Variants in NIPAL2 observed in about 807,000 individuals in gnomAD.
NIPAL2 encodes the protein NIPA-like protein 2.
In NIPAL2, 43 loss-of-function variants were observed where a neutral mutation model predicts 48.9. That is an observed-to-expected ratio of 0.88 (90% CI 0.69 to 1.13). The LOEUF is 1.13. Ranked by LOEUF, NIPAL2 falls within the 50% of genes most tolerant of loss-of-function variation. The pLI, the probability that NIPAL2 is intolerant of heterozygous loss-of-function variation, is 0.00. For missense variants in NIPAL2, 446 were observed against 461.4 expected, an observed-to-expected ratio of 0.97 and a Z score of 0.31; for synonymous variants, 167 against 174.6, an observed-to-expected ratio of 0.96 and a Z score of 0.34.
intron 4 of NIPAL2, among the ~76,000 whole-genome samples, chr8:98,224,225 A>G (rs1044231509): frequency 3.3e-5 from 5 of 152,222 alleles, no homozygotes; most frequent in African/African-American, 1.2e-4. Context: ...GTTAAATCTC[A>G]TGTACCCTGG....
intron 6 of NIPAL2, 26 bp from the exon 7 acceptor site, chr8:98,205,272 A>G: frequency 2.5e-6 from 4 of 1,586,450 alleles, no homozygotes; most frequent in Non-Finnish European, 3.4e-6. Context: ...AAAAACACAA[A>G]TAAAGAACAT....
rs1456735694 is a variant in NIPAL2 at position 98,262,455 on chromosome 8, C to CA, written c.136-8369dup. ...GAAGATCTACCAAGCAAATGGAAAA[C>CA]AAAAAAAGGCAGGGGGTGCAATCCT... On this transcript the variant is annotated intron_variant, in intron 1 of 10. Transcript: ENST00000430223. Among the ~76,000 whole-genome samples the CA allele has an allele frequency of 1.9e-4, 29 of 150,906 alleles. No homozygotes were observed. In the East Asian group the frequency reaches 2.3e-3, roughly 12 times the overall value.
At chr8:98,264,489 GACAA>G (rs1814578683) in intron 1 of NIPAL2, among the ~76,000 whole-genome samples, 1 of 150,494 alleles carries the variant, frequency 6.6e-6, no homozygotes, top group South Asian at 2.1e-4. Flanking sequence ...ACCAGCAATA[GACAA>G]ACAGAGAGCC....
intron 3 of NIPAL2, among the ~76,000 whole-genome samples, chr8:98,244,266 C>T (rs980269388): frequency 3.9e-5 from 5 of 127,930 alleles, no homozygotes; most frequent in Admixed American, 3.2e-4. Context: ...GTGATGAAGA[C>T]GGTGGGCGTG....
rs904209689 is a variant in NIPAL2, at chr8:98,191,790, C to A, written c.*1188G>T. 7.2e-5 allele frequency: 11 copies of A among 152,184 alleles called. No homozygotes were observed. The highest frequency in any genetic ancestry group is 2.7e-4 in the African/African-American group (11 of 41,450). The allele number at this position is 152,184 out of a possible 1,614,324, so 9.4% of individuals were successfully genotyped here. A position where few individuals can be genotyped will look rare whatever the true frequency, so the allele number is the denominator to read the frequency against. ...GATTCTACCTGCAAATGTGTCTTAG[C>A]AGATATGTGATGAATTGGAGTGGAA... is the stretch of plus-strand genomic sequence containing the variant. On this transcript the variant is annotated 3_prime_UTR_variant, in exon 11 of 11. Coordinates refer to ENST00000430223, the MANE Select transcript of NIPAL2 (RefSeq NM_001321635.2).
intron 4 of NIPAL2, among the ~76,000 whole-genome samples, chr8:98,234,706 C>T (rs923904249): frequency 9.5e-6 from 1 of 105,538 alleles, no homozygotes; most frequent in African/African-American, 3.3e-5. Flanking sequence ...TGACACCACA[C>T]CTGTCTATTT....
intron 9 of NIPAL2, among the ~76,000 whole-genome samples, chr8:98,195,116 A>G (rs13252923): frequency 0.056 from 8,585 of 152,322 alleles, 277 homozygotes; most frequent in Middle Eastern, 0.12. Context: ...ATGCACGCCC[A>G]GATCCATTTC....
At chr8:98,203,277 G>A in intron 7 of NIPAL2, 81 bp from the exon 8 acceptor site, 1 of 992,584 alleles carries the variant, frequency 1.0e-6, no homozygotes, top group East Asian at 2.4e-5. Flanking sequence ...AGAAACACGT[G>A]TTCTTTAGCT....
At chr8:98,269,777 T>C (rs1815014198) in intron 1 of NIPAL2, among the ~76,000 whole-genome samples, 1 of 152,134 alleles carries the variant, frequency 6.6e-6, no homozygotes, top group South Asian at 2.1e-4. Flanking sequence ...TGGGCTCGTA[T>C]TGATCCTGTC....
intron 1 of NIPAL2, among the ~76,000 whole-genome samples, chr8:98,265,815 A>C (rs1235721074): frequency 1.4e-5 from 2 of 147,124 alleles, no homozygotes; most frequent in Admixed American, 6.8e-5. Context: ...TCATGCTGCT[A>C]TAAAGACACA....
rs1229080809 is a variant in NIPAL2 at position 98,219,711 on chromosome 8, G to A, written c.558+2768C>T. 2.0e-5 allele frequency among the ~76,000 whole-genome samples: 3 copies of A among 152,086 alleles called. No homozygotes were observed. The East Asian group carries it at 5.8e-4, about 29-fold the overall frequency. ...GCTTCCATCATCTCTTGCTTGGACT[G>A]TGTCTGCAACCTCTTAACAAGGCTG... is the stretch of plus-strand genomic sequence containing the variant. On this transcript the variant is annotated intron_variant, in intron 5 of 10. Coordinates refer to ENST00000430223, the MANE Select transcript of NIPAL2 (RefSeq NM_001321635.2).
At chr8:98,218,262 T>C (rs1371082901) in intron 5 of NIPAL2, among the ~76,000 whole-genome samples, 1 of 152,182 alleles carries the variant, frequency 6.6e-6, no homozygotes, top group African/African-American at 2.4e-5. Context: ...CAAAGAGTAA[T>C]AATTTGTTGG....
intron 1 of NIPAL2, among the ~76,000 whole-genome samples, chr8:98,290,868 G>A (rs149486211): frequency 9.7e-4 from 148 of 152,188 alleles, no homozygotes; most frequent in African/African-American, 3.5e-3. Context: ...GAAAAGGCCC[G>A]GCATTGCTGG....
At chr8:98,212,096 A>G (rs987790042) in intron 6 of NIPAL2, among the ~76,000 whole-genome samples, 23 of 152,204 alleles carry the variant, frequency 1.5e-4, no homozygotes, top group African/African-American at 5.1e-4. Context: ...GGGATCATTA[A>G]TTTGTTTCTC....
At position 98,205,110 on chromosome 8, in the gene NIPAL2, C is replaced by T; in HGVS notation, c.791+1G>A. 6.2e-7 allele frequency: 1 copy of T among 1,613,434 alleles called. No individual in the cohort carries two copies. Among genetic ancestry groups the T allele is most frequent in the Non-Finnish European group, 8.5e-7 (1 of 1,179,796 alleles). The stretch of plus-strand genomic sequence containing the variant: ...TAGTGAGTATGCAGAAGCTAACTTA[C>T]TTGACTTGGAAAACACAAGATGCTA... On this transcript the variant is annotated splice_donor_variant, in intron 7 of 10. Coordinates refer to ENST00000430223, the MANE Select transcript of NIPAL2 (RefSeq NM_001321635.2). LOFTEE classifies it high-confidence loss of function.
In NIPAL2 at chr8:98,293,984, G is replaced by A; in HGVS notation, c.135+19C>T. 1 of 1,442,438 alleles carries A rather than the reference G, an allele frequency of 6.9e-7. No homozygotes were observed. The highest frequency in any genetic ancestry group is 1.5e-5 in the African/African-American group (1 of 67,182). 89.4% of individuals were successfully genotyped at this position (1,442,438 alleles called of 1,614,324 possible). A position where few individuals can be genotyped will look rare whatever the true frequency, so the allele number is the denominator to read the frequency against. On this transcript the variant is annotated intron_variant, in intron 1 of 10. Coordinates refer to ENST00000430223, the MANE Select transcript of NIPAL2 (RefSeq NM_001321635.2). ...GCCGCGTCCCCACCGGGCTGCGGTG[G>A]CTGCGGGGCGGCCCTTACCTGGTTC...
rs201048833 is a variant in NIPAL2 at position 98,266,776 on chromosome 8, T to TA, written c.136-12690dup. Among the ~76,000 whole-genome samples, 92 of 147,882 alleles carry TA rather than the reference T, an allele frequency of 6.2e-4. 1 individual carries two copies. Among genetic ancestry groups the TA allele is most frequent in the Admixed American group, 1.9e-3 (28 of 14,772 alleles). On this transcript the variant is annotated intron_variant, in intron 1 of 10. Coordinates refer to ENST00000430223, the MANE Select transcript of NIPAL2 (RefSeq NM_001321635.2). ...AAATGAAATAAAATCATGTAAATGC[T>TA]AAAAAAAAAATAAAGAAAGAAAACA...
chr8:98,195,815 TTAGGAGCTCAGGAAACTGATGTTTCTTA>T (rs1213674029), intron 9 of NIPAL2, 99 bp downstream of exon 9: 1 of 628,090 alleles, frequency 1.6e-6, no homozygotes, highest in African/African-American at 1.9e-5. Context: ...TATGTTTCTT[TTAGGAGCTCAGGAAACTGATGTTTCTTA>T]TATTATTTTC....
intron 3 of NIPAL2, among the ~76,000 whole-genome samples, chr8:98,244,311 GGC>G (rs1813153667): frequency 2.0e-5 from 2 of 99,970 alleles, no homozygotes; most frequent in Non-Finnish European, 4.1e-5. Flanking sequence ...TGAGAGGGTG[GGC>G]GTGGTGATGA....
Sources: gnomAD v4.1 joint callset for allele counts (sites outside exome capture counted in the v4.1 genomes callset) on GRCh38, gnomAD v4.1.1 for gene constraint, MANE v1.5 for transcripts, NCBI Gene and HGNC (gene_info 2026-07-23, HGNC 2026-07-21) for gene names.